Variants in NSD1 observed in about 807,000 individuals in gnomAD.
NSD1 encodes the protein histone-lysine N-methyltransferase, H3 lysine-36 specific.
Under a neutral mutation model 242.7 loss-of-function variants are expected in NSD1, and 26 were observed. That is an observed-to-expected ratio of 0.11 (90% CI 0.08 to 0.15). NSD1 has a LOEUF of 0.15. NSD1 is among the 10% of genes least tolerant of loss of function. NSD1 has a pLI of 1.00. For synonymous variants in NSD1, 1,106 were observed against 1,178.1 expected (o/e 0.94, Z 1.25); for missense variants, 2,495 against 3,272.8 (o/e 0.76, Z 5.80).
chr5:177,156,643 C>T (rs1734875310), intron 2 of NSD1, among the ~76,000 whole-genome samples: 1 of 152,126 alleles, frequency 6.6e-6, no homozygotes, highest in East Asian at 1.9e-4. Context: ...ATATCAAGAC[C>T]CCCTCTTCAT....
intron 2 of NSD1, among the ~76,000 whole-genome samples, chr5:177,185,768 TTTA>T (rs1761079550): frequency 1.3e-5 from 1 of 77,064 alleles, no homozygotes; most frequent in Admixed American, 2.4e-4. Context: ...ATTTTATATA[TTTA>T]TATATTATAT....
chr5:177,286,842 T>G (rs1759376660), intron 20 of NSD1, among the ~76,000 whole-genome samples: 1 of 152,246 alleles, frequency 6.6e-6, no homozygotes, highest in Non-Finnish European at 1.5e-5. Flanking sequence ...TTTTCCTGTG[T>G]TCATCAGCTC....
intron 10 of NSD1, 86 bp downstream of exon 10, chr5:177,246,882 T>A: frequency 1.0e-6 from 1 of 952,448 alleles, no homozygotes; most frequent in South Asian, 1.3e-5. Flanking sequence ...CCTTGAGTTT[T>A]CTTAAGAATA....
chr5:177,285,859 A>G (rs1034728450), intron 20 of NSD1, among the ~76,000 whole-genome samples: 31 of 152,084 alleles, frequency 2.0e-4, no homozygotes, highest in Non-Finnish European at 8.8e-5. Context: ...TTAGAATGAT[A>G]TTTGTTCAGA....
chr5:177,184,799 T>C (rs1760969579), intron 2 of NSD1, among the ~76,000 whole-genome samples: 1 of 152,162 alleles, frequency 6.6e-6, no homozygotes, highest in Non-Finnish European at 1.5e-5. Flanking sequence ...CCTCCCAAAG[T>C]GCTAGGATTG....
intron 9 of NSD1, among the ~76,000 whole-genome samples, chr5:177,245,835 C>T (rs1766239162): frequency 6.6e-6 from 1 of 151,980 alleles, no homozygotes. Flanking sequence ...GATAGGGTTT[C>T]ACCATGTTGG....
In NSD1 at chr5:177,294,769, G is replaced by A. The variant is rs759971391; in HGVS notation, c.7401G>A (p.Glu2467=). 8.1e-6 allele frequency: 13 copies of A among 1,613,846 alleles called. No individual in the cohort carries two copies. Among genetic ancestry groups the A allele is most frequent in the Non-Finnish European group, 1.1e-5 (13 of 1,180,060 alleles). The change falls in exon 23 of 23, where the codon GAG becomes GAA. Residue 2467 remains glutamate, a synonymous_variant. Coordinates refer to ENST00000439151, the MANE Select transcript of NSD1 (RefSeq NM_022455.5). The part of the protein sequence containing the change: ...DLIDLTPRQK[E]RAASPHQVTP... Reference sequence around the variant, plus strand: ...TAGACCTAACTCCTCGCCAGAAGGAGCGGGCAGCTTCACCTCATCAGGTCA... The same window carrying A: ...TAGACCTAACTCCTCGCCAGAAGGAACGGGCAGCTTCACCTCATCAGGTCA...
intron 2 of NSD1, among the ~76,000 whole-genome samples, chr5:177,150,679 A>T (rs574898726): frequency 2.0e-5 from 3 of 151,862 alleles, no homozygotes; most frequent in South Asian, 4.1e-4. Flanking sequence ...TTCACATTAG[A>T]TTAAATTAAA....
intron 2 of NSD1, among the ~76,000 whole-genome samples, chr5:177,137,935 C>A (rs908451775): frequency 1.3e-5 from 2 of 151,762 alleles, no homozygotes; most frequent in Admixed American, 1.3e-4. Flanking sequence ...ATTAGCCGGG[C>A]GTGATGGTGG....
intron 2 of NSD1, among the ~76,000 whole-genome samples, chr5:177,169,108 C>T (rs944424872): frequency 1.3e-5 from 2 of 152,098 alleles, no homozygotes; most frequent in Non-Finnish European, 2.9e-5. Context: ...CAGTGGTATT[C>T]AGAAAGCTGT....
chr5:177,193,248 C>G (rs940667188), intron 3 of NSD1, among the ~76,000 whole-genome samples: 2 of 152,058 alleles, frequency 1.3e-5, no homozygotes, highest in African/African-American at 4.8e-5. Context: ...TCATGCCATT[C>G]TCCTGCCTCA....
chr5:177,264,096 C>T (rs751061810), intron 14 of NSD1, among the ~76,000 whole-genome samples: 4 of 120,846 alleles, frequency 3.3e-5, no homozygotes, highest in African/African-American at 6.5e-5. Context: ...AGTGCAGTGG[C>T]GCTATCTTGG....
Position 177,294,231 on chromosome 5 carries a change from C to T in NSD1, c.6863C>T (p.Ser2288Phe), listed in dbSNP as rs2127280248. 3 of 1,613,546 alleles carry T rather than the reference C, an allele frequency of 1.9e-6. No homozygotes were observed. The highest frequency in any genetic ancestry group is 2.5e-6 in the Non-Finnish European group (3 of 1,179,524). ...GAAAGACCTCTTGAGAGAACTGACTCCAGGCCCCAGCCTTTAGATAAGGTC... is the reference window on the plus strand; with the variant it reads ...GAAAGACCTCTTGAGAGAACTGACTTCAGGCCCCAGCCTTTAGATAAGGTC... Reference protein sequence around the residue: ...LPERPLERTDSRPQPLDKVRD... With the variant: ...LPERPLERTDFRPQPLDKVRD... Residue 2288 changes from serine (S) to phenylalanine (F), a missense_variant, in exon 23 of 23, where the codon TCC becomes TTC. Coordinates refer to ENST00000439151, the MANE Select transcript of NSD1 (RefSeq NM_022455.5).
chr5:177,223,011 G>A (rs1264100193), intron 5 of NSD1, among the ~76,000 whole-genome samples: 1 of 151,630 alleles, frequency 6.6e-6, no homozygotes, highest in Non-Finnish European at 1.5e-5. Flanking sequence ...TATGGTGTGA[G>A]TGAGGGGTCC....
rs1240266571 is a variant in NSD1 at position 177,193,782 on chromosome 5, T to TGTGAGAC, written c.1063+1765_1063+1766insGAGACGT. On this transcript the variant is annotated intron_variant, in intron 3 of 22. Transcript: ENST00000439151. The stretch of plus-strand genomic sequence containing the variant: ...TATTAATTTTTGTTGTTGTTGTTGT[T>TGTGAGAC]GTTTTGTTTTGAGACGGAATCTTGC... Among the ~76,000 whole-genome samples the TGTGAGAC allele has an allele frequency of 3.9e-5, 6 of 152,262 alleles. No homozygotes were observed. The East Asian group carries it at 1.2e-3, about 29-fold the overall frequency.
intron 5 of NSD1, among the ~76,000 whole-genome samples, chr5:177,228,607 C>T (rs751188111): frequency 4.0e-5 from 6 of 151,894 alleles, no homozygotes; most frequent in South Asian, 2.1e-4. Flanking sequence ...CTCTGAGGCT[C>T]CAGAACTAGG....
intron 8 of NSD1, among the ~76,000 whole-genome samples, chr5:177,243,326 A>G (rs1460115722): frequency 6.6e-6 from 1 of 152,164 alleles, no homozygotes; most frequent in Non-Finnish European, 1.5e-5. Context: ...CTGGGATTAC[A>G]GGCATGTGCC....
chr5:177,152,432 G>A (rs947547366), intron 2 of NSD1, among the ~76,000 whole-genome samples: 6 of 149,202 alleles, frequency 4.0e-5, no homozygotes, highest in Non-Finnish European at 7.4e-5. Context: ...GCAGTGACAT[G>A]ATCTCAGCTC....
In NSD1 at chr5:177,212,052, T is replaced by C; in HGVS notation, c.3653T>C (p.Leu1218Pro). The C allele has an allele frequency of 4.3e-6, 7 of 1,614,110 alleles. No individual in the cohort carries two copies. The highest frequency in any genetic ancestry group is 5.9e-6 in the Non-Finnish European group (7 of 1,180,018). The change falls in exon 5 of 23, where the codon CTG (leucine) becomes CCG (proline). Residue 1218 changes from leucine to proline, a missense_variant. Leu to Pro is a moderately conservative substitution (Grantham distance 98). Around this residue, in one of 19 missense-constraint regions of NSD1, gnomAD observed 426 missense variants for 411.4 expected, o/e 1.04. Transcript: ENST00000439151. ...TPSASILEEP[L>P]TEQNHADCLD... ...TCAGCAAGCATACTTGAGGAACCAC[T>C]GACAGAGCAAAATCATGCTGACTGC...
Sources: allele counts gnomAD v4.1 joint callset (sites outside exome capture counted in the v4.1 genomes callset), GRCh38; gene constraint gnomAD v4.1.1; regional missense constraint gnomAD v4.1.1; transcripts MANE v1.5; gene names NCBI Gene and HGNC (gene_info 2026-07-23, HGNC 2026-07-21).